The following WDFY3 variants were observed in gnomAD, a reference collection of about 807,000 sequenced individuals.
WDFY3 encodes the protein WD repeat and FYVE domain-containing protein 3.
A neutral mutation model predicts 409.6 loss-of-function variants in WDFY3; 66 were observed. That is an observed-to-expected ratio of 0.16 (90% CI 0.13 to 0.20). WDFY3 has a LOEUF of 0.20. Among genes scored for constraint, WDFY3 ranks in the 10% least tolerant of loss-of-function variants. The pLI is 1.00. For synonymous variants in WDFY3, 1,521 were observed against 1,537.1 expected (o/e 0.99, Z 0.25); for missense variants, 3,031 against 4,298.1 (o/e 0.71, Z 8.24).
intron 51 of WDFY3, among the ~76,000 whole-genome samples, chr4:84,712,803 C>T (rs529208720): frequency 5.3e-5 from 8 of 151,926 alleles, no homozygotes; most frequent in East Asian, 3.9e-4. Context: ...GAATAGATAG[C>T]GAATAATAGT....
chr4:84,778,732 C>T, intron 26 of WDFY3, 77 bp from the exon 27 acceptor site: 1 of 1,351,886 alleles, frequency 7.4e-7, no homozygotes, highest in East Asian at 2.4e-5. Context: ...CACACACATA[C>T]ACACACAAAC....
chr4:84,956,961 C>A, intron 1 of WDFY3, among the ~76,000 whole-genome samples: 1 of 147,926 alleles, frequency 6.8e-6, no homozygotes. Flanking sequence ...TGAATAGAAG[C>A]AGGTGACAAT....
chr4:84,859,701 G>A (rs1244262540), intron 4 of WDFY3, among the ~76,000 whole-genome samples: 6 of 151,990 alleles, frequency 3.9e-5, no homozygotes, highest in South Asian at 2.1e-4. Flanking sequence ...TCAGCCTCCC[G>A]AATAGCTGGG....
intron 13 of WDFY3, among the ~76,000 whole-genome samples, chr4:84,815,559 C>T (rs187076926): frequency 9.5e-4 from 144 of 152,226 alleles, no homozygotes; most frequent in African/African-American, 3.2e-3. Flanking sequence ...ACAGTTCCTA[C>T]GTCATTTTTA....
intron 25 of WDFY3, among the ~76,000 whole-genome samples, chr4:84,781,497 G>A (rs962509580): frequency 4.1e-5 from 6 of 147,696 alleles, no homozygotes; most frequent in African/African-American, 1.5e-4. Context: ...CAATCCTCCT[G>A]TCTAGGCCTC....
chr4:84,860,535 T>C lies in WDFY3; in HGVS notation c.57A>G (p.Gln19=). ...GRPRQEECSP[Q]DNALGLMHLR... ...GGTGCATCAGTCCTAAGGCGTTGTCTTGTGGGCTGCACTCCTCCTGCCTCG... is the reference window on the plus strand; with the variant it reads ...GGTGCATCAGTCCTAAGGCGTTGTCCTGTGGGCTGCACTCCTCCTGCCTCG... Residue 19 remains glutamine, a synonymous_variant, in exon 4 of 68, where the codon CAA becomes CAG. Transcript: ENST00000295888. 6.2e-7 allele frequency: 1 copy of C among 1,613,910 alleles called. No homozygotes were observed. The highest frequency in any genetic ancestry group is 8.5e-7 in the Non-Finnish European group (1 of 1,179,816).
intron 3 of WDFY3, among the ~76,000 whole-genome samples, chr4:84,892,057 C>T (rs1765032709): frequency 1.4e-5 from 2 of 140,778 alleles, no homozygotes; most frequent in Non-Finnish European, 1.5e-5. Flanking sequence ...CAATCCCTAA[C>T]ATAAGTCAGA....
At chr4:84,880,261 C>T (rs1272824486) in intron 3 of WDFY3, among the ~76,000 whole-genome samples, 6 of 152,088 alleles carry the variant, frequency 3.9e-5, no homozygotes, top group Non-Finnish European at 4.4e-5. Flanking sequence ...CTATGAACAC[C>T]TTGATTTTAG....
At chr4:84,874,421 A>C (rs968834318) in intron 3 of WDFY3, among the ~76,000 whole-genome samples, 1 of 152,024 alleles carries the variant, frequency 6.6e-6, no homozygotes, top group African/African-American at 2.4e-5. Flanking sequence ...TCAAAAAAAA[A>C]ACAAACAAAC....
intron 59 of WDFY3, 83 bp from the exon 60 acceptor site, chr4:84,691,868 T>TTCA (rs1215640480): frequency 8.4e-6 from 11 of 1,315,024 alleles, no homozygotes; most frequent in African/African-American, 2.9e-5. Context: ...ATTTCAAATA[T>TTCA]TCATATAAAT....
At chr4:84,835,479 A>C (rs554346608) in intron 7 of WDFY3, among the ~76,000 whole-genome samples, 12 of 152,234 alleles carry the variant, frequency 7.9e-5, no homozygotes, top group African/African-American at 2.9e-4. Context: ...GGGGAAAAAC[A>C]AAAGCTCTGA....
chr4:84,857,676 T>C (rs1759957543), intron 4 of WDFY3, among the ~76,000 whole-genome samples: 1 of 152,208 alleles, frequency 6.6e-6, no homozygotes. Context: ...CTCCCATTTT[T>C]AAAAGAGCTA....
chr4:84,757,725 T>A (rs1741701310), intron 32 of WDFY3, among the ~76,000 whole-genome samples: 1 of 152,148 alleles, frequency 6.6e-6, no homozygotes, highest in South Asian at 2.1e-4. Context: ...ACTACAGACA[T>A]GAGCTACCAC....
chr4:84,933,075 A>G (rs1414562063), intron 1 of WDFY3, among the ~76,000 whole-genome samples: 1 of 152,166 alleles, frequency 6.6e-6, no homozygotes, highest in Non-Finnish European at 1.5e-5. Flanking sequence ...AAAAAGGAGG[A>G]GCCTGGACTA....
rs1747888879 is a variant in WDFY3, at chr4:84,788,291, T to C, written c.3670-578A>G. On this transcript the variant is annotated intron_variant, in intron 22 of 67. Transcript: ENST00000295888. The stretch of plus-strand genomic sequence containing the variant: ...AATAACATCTCAGCTTCAGATCCTA[T>C]TCATTATTCTATATATTAAACAGCA... 2.0e-5 allele frequency among the ~76,000 whole-genome samples: 3 copies of C among 152,310 alleles called. No individual in the cohort carries two copies. The East Asian group carries it at 5.8e-4, about 29-fold the overall frequency.
intron 2 of WDFY3, among the ~76,000 whole-genome samples, chr4:84,907,414 G>A (rs572146810): frequency 1.4e-4 from 21 of 152,250 alleles, no homozygotes; most frequent in Admixed American, 1.2e-3. Flanking sequence ...GCAACCCTAT[G>A]GAGGGGTCCA....
chr4:84,934,864 A>G (rs552702285), intron 1 of WDFY3, among the ~76,000 whole-genome samples: 4 of 152,006 alleles, frequency 2.6e-5, no homozygotes, highest in African/African-American at 9.7e-5. Flanking sequence ...TGTATTTATC[A>G]TTACTTTGCT....
At chr4:84,868,656 C>A (rs562676947) in intron 3 of WDFY3, among the ~76,000 whole-genome samples, 1 of 152,132 alleles carries the variant, frequency 6.6e-6, no homozygotes, top group Non-Finnish European at 1.5e-5. Flanking sequence ...AAGCAACTCA[C>A]CTCCATTTAA....
chr4:84,820,106 G>C lies in WDFY3; in HGVS notation c.1672C>G (p.Gln558Glu), dbSNP rs374950199. The change falls in exon 12 of 68, where the codon CAA (glutamine) becomes GAA (glutamate). Residue 558 changes from glutamine to glutamate, a missense_variant. Gln to Glu is a conservative substitution (Grantham distance 29). Transcript: ENST00000295888. ...TTACCTGCATTTGTGTTTGATCCTT[G>C]AAGAAGCACTGTCAAGGTCTCCATA... The part of the protein sequence containing the change: ...LVMETLTVLL[Q>E]GSNTNAGIFR... 1.2e-6 allele frequency: 2 copies of C among 1,602,178 alleles called. No homozygotes were observed. The highest frequency in any genetic ancestry group is 2.7e-5 in the African/African-American group (2 of 74,442).
Sources: allele counts gnomAD v4.1 joint callset (sites outside exome capture counted in the v4.1 genomes callset), GRCh38; gene constraint gnomAD v4.1.1; transcripts MANE v1.5; gene names NCBI Gene and HGNC (gene_info 2026-07-23, HGNC 2026-07-21).